The following DOCK3 variants were observed in gnomAD, a reference collection of about 807,000 sequenced individuals.
DOCK3 encodes the protein dedicator of cytokinesis protein 3.
A neutral mutation model predicts 265.6 loss-of-function variants in DOCK3; 60 were observed. The ratio of observed to expected loss-of-function variants is 0.23; its 90% CI spans 0.18 to 0.28. The LOEUF (loss-of-function observed/expected upper bound fraction) is 0.28. Among genes scored for constraint, DOCK3 ranks in the 10% least tolerant of loss-of-function variants. DOCK3 has a pLI of 1.00. For missense variants in DOCK3, 1,981 were observed against 2,594.3 expected (o/e 0.76, Z 5.14); for synonymous variants, 881 against 938.0 (o/e 0.94, Z 1.11).
intron 9 of DOCK3, among the ~76,000 whole-genome samples, chr3:51,095,624 T>A (rs973833464): frequency 6.6e-6 from 1 of 152,142 alleles, no homozygotes; most frequent in Admixed American, 6.5e-5. Flanking sequence ...CATTTACATT[T>A]GATCTTTATC....
intron 12 of DOCK3, among the ~76,000 whole-genome samples, chr3:51,181,188 G>A (rs1394161877): frequency 6.6e-6 from 1 of 151,964 alleles, no homozygotes; most frequent in Non-Finnish European, 1.5e-5. Context: ...GGCACAACGT[G>A]CAGGTTTGTT....
chr3:51,068,723 A>G (rs1301378014), intron 6 of DOCK3, among the ~76,000 whole-genome samples: 8 of 152,092 alleles, frequency 5.3e-5, no homozygotes, highest in African/African-American at 1.7e-4. Context: ...CTTTATGCAG[A>G]ACCTTATCAT....
intron 27 of DOCK3, among the ~76,000 whole-genome samples, chr3:51,297,541 G>A (rs1488441164): frequency 2.0e-5 from 3 of 152,108 alleles, no homozygotes; most frequent in Non-Finnish European, 4.4e-5. Flanking sequence ...CATTTCCCCA[G>A]AGAAGACAGA....
At chr3:50,811,963 G>A (rs1197953646) in intron 2 of DOCK3, among the ~76,000 whole-genome samples, 1 of 152,212 alleles carries the variant, frequency 6.6e-6, no homozygotes, top group African/African-American at 2.4e-5. Context: ...CTGAGAGAGG[G>A]TGGACAAGCA....
intron 12 of DOCK3, among the ~76,000 whole-genome samples, chr3:51,205,250 G>T (rs1674237277): frequency 6.6e-6 from 1 of 151,944 alleles, no homozygotes; most frequent in Non-Finnish European, 1.5e-5. Context: ...GAGGTTTAAG[G>T]ATTTAGAAAG....
chr3:51,381,480 G>A lies in DOCK3; in HGVS notation c.6014G>A (p.Arg2005His), dbSNP rs1409009150. Residue 2005 changes from arginine (R) to histidine (H), a missense_variant, in exon 53 of 53, where the codon CGC becomes CAC. Coordinates refer to ENST00000266037, the MANE Select transcript of DOCK3 (RefSeq NM_004947.5). The surrounding 1 kb of genome is among the most constrained non-coding windows in gnomAD (Gnocchi z 5.6). ...ACTGAGAGGCCTCGAGGCCTGCACC[G>A]CAAGGCTCCATTGCCTCCTGGGAGC... ...EETERPRGLHRKAPLPPGSAK... is the reference protein window; with the variant it reads ...EETERPRGLHHKAPLPPGSAK... The A allele has an allele frequency of 2.5e-6, 4 of 1,589,920 alleles. No individual in the cohort carries two copies. Among genetic ancestry groups the A allele is most frequent in the African/African-American group, 1.3e-5 (1 of 74,468 alleles).
chr3:51,243,998 G>A (rs1007613226), intron 21 of DOCK3, among the ~76,000 whole-genome samples: 2 of 152,204 alleles, frequency 1.3e-5, no homozygotes, highest in Non-Finnish European at 2.9e-5. Flanking sequence ...TCAAAAGGGT[G>A]ATACCCTGGC....
intron 2 of DOCK3, among the ~76,000 whole-genome samples, chr3:50,834,454 T>G (rs1443740258): frequency 1.3e-5 from 2 of 152,150 alleles, no homozygotes; most frequent in Non-Finnish European, 2.9e-5. Flanking sequence ...TTTTTCATAA[T>G]TTTAGAACAC....
At chr3:50,759,671 T>TAAAAA (rs35332441) in intron 1 of DOCK3, among the ~76,000 whole-genome samples, 2 of 118,714 alleles carry the variant, frequency 1.7e-5, no homozygotes, top group South Asian at 5.9e-4. Flanking sequence ...ACCCCGTCTC[T>TAAAAA]AAAAAAAAAA....
chr3:51,210,929 T>A (rs960574850), intron 13 of DOCK3, among the ~76,000 whole-genome samples: 4 of 152,212 alleles, frequency 2.6e-5, no homozygotes, highest in Admixed American at 6.5e-5. Context: ...TGAACTTTAA[T>A]AGATGTGGCT....
Position 51,383,630 on chromosome 3 carries a change from G to C in DOCK3, c.*2071G>C, listed in dbSNP as rs1163255984. On this transcript the variant is annotated 3_prime_UTR_variant, in exon 53 of 53. Coordinates refer to ENST00000266037, the MANE Select transcript of DOCK3 (RefSeq NM_004947.5). ...GCTTCGCATTATGCAAGGTGAAACC[G>C]TTTGTTTTCCCTCTCCATTTTCCCT... is the stretch of plus-strand genomic sequence containing the variant. 1 of 152,304 alleles carries C rather than the reference G, an allele frequency of 6.6e-6. No homozygotes were observed. Among genetic ancestry groups the C allele is most frequent in the African/African-American group, 2.4e-5 (1 of 41,432 alleles). The allele number at this position is 152,304 out of a possible 1,614,324, so 9.4% of individuals were successfully genotyped here. A position where few individuals can be genotyped will look rare whatever the true frequency, so the allele number is the denominator to read the frequency against.
In DOCK3 at chr3:51,314,986, A is replaced by C; in HGVS notation, c.3260A>C (p.His1087Pro). 6.2e-7 allele frequency: 1 copy of C among 1,604,826 alleles called. No homozygotes were observed. The highest frequency in any genetic ancestry group is 1.1e-5 in the South Asian group (1 of 89,942). Residue 1087 changes from histidine to proline, a missense_variant, in exon 32 of 53, where the codon CAT (histidine) becomes CCT (proline). Physicochemically the swap from His to Pro is moderately conservative, Grantham distance 77. Coordinates refer to ENST00000266037, the MANE Select transcript of DOCK3 (RefSeq NM_004947.5). The part of the protein sequence containing the change: ...LFSMWQNLGE[H>P]KIHFIPGMIG... The stretch of plus-strand genomic sequence containing the variant: ...TTTGGGTTTTGTTTTTCAGGTGAAC[A>C]TAAGATCCACTTTATTCCGGGAATG...
intron 6 of DOCK3, among the ~76,000 whole-genome samples, chr3:51,068,071 A>C (rs1402607395): frequency 6.6e-6 from 1 of 152,240 alleles, no homozygotes; most frequent in Admixed American, 6.5e-5. Flanking sequence ...GTAATTAAAT[A>C]TATGATTTTA....
chr3:50,800,827 CT>C (rs2043030426), intron 2 of DOCK3, among the ~76,000 whole-genome samples: 1 of 151,962 alleles, frequency 6.6e-6, no homozygotes, highest in African/African-American at 2.4e-5. Context: ...CTTAATACTG[CT>C]TTTGCTGTGT....
chr3:50,766,520 C>T (rs1036638235), intron 1 of DOCK3, among the ~76,000 whole-genome samples: 4 of 152,028 alleles, frequency 2.6e-5, no homozygotes, highest in African/African-American at 7.2e-5. Flanking sequence ...TTCAGTCTAT[C>T]ATTGATGGAC....
At chr3:50,717,361 G>T (rs1390115393) in intron 1 of DOCK3, among the ~76,000 whole-genome samples, 1 of 152,032 alleles carries the variant, frequency 6.6e-6, no homozygotes, top group Non-Finnish European at 1.5e-5. Context: ...TATAGATCTT[G>T]CCCATTTCTT....
chr3:51,064,764 G>A (rs988884080), intron 6 of DOCK3, among the ~76,000 whole-genome samples, 168 bp downstream of exon 6: 5 of 152,116 alleles, frequency 3.3e-5, no homozygotes, highest in African/African-American at 7.2e-5. Flanking sequence ...CCTAGTTAGC[G>A]AAGGATACTC....
chr3:51,214,866 A>G (rs1338201992), intron 14 of DOCK3, among the ~76,000 whole-genome samples: 1 of 152,142 alleles, frequency 6.6e-6, no homozygotes, highest in Admixed American at 6.5e-5. Context: ...TGGTCCCAGT[A>G]GGTCAGTATC....
intron 6 of DOCK3, among the ~76,000 whole-genome samples, chr3:51,065,071 A>G (rs1235466960): frequency 6.6e-6 from 1 of 152,218 alleles, no homozygotes; most frequent in African/African-American, 2.4e-5. Flanking sequence ...ATTCAGTAAT[A>G]GTCTTGCATT....
Sources: gnomAD v4.1 joint callset for allele counts (sites outside exome capture counted in the v4.1 genomes callset) on GRCh38, gnomAD v4.1.1 for gene constraint, Gnocchi (gnomAD v3.1) non-coding constraint, MANE v1.5 for transcripts, NCBI Gene and HGNC (gene_info 2026-07-23, HGNC 2026-07-21) for gene names.